The following GRIP1 variants were observed in gnomAD, a reference collection of about 807,000 sequenced individuals.
GRIP1 encodes the protein glutamate receptor interacting protein 1, also known as glutamate receptor-interacting protein 1.
Under a neutral mutation model 129.9 loss-of-function variants are expected in GRIP1, and 45 were observed. The ratio of observed to expected loss-of-function variants is 0.35; its 90% confidence interval spans 0.27 to 0.44. The LOEUF (loss-of-function observed/expected upper bound fraction) is 0.44. Among genes scored for constraint, GRIP1 ranks in the 20% least tolerant of loss-of-function variants. The probability of loss-of-function intolerance (pLI) is 1.00; values close to 1 mark genes in which losing one functional copy is unlikely to be tolerated. For missense variants in GRIP1, 1,196 were observed against 1,396.8 expected (o/e 0.86, Z 2.29); for synonymous variants, 530 against 520.8 (o/e 1.02, Z -0.24).
intron 5 of GRIP1, among the ~76,000 whole-genome samples, chr12:66,525,062 C>T (rs555125846): frequency 6.6e-6 from 1 of 152,260 alleles, no homozygotes; most frequent in East Asian, 1.9e-4. Context: ...AAAAAAAGTC[C>T]AGGAACAGAT....
At chr12:66,449,994 C>T (rs1298932348) in intron 11 of GRIP1, among the ~76,000 whole-genome samples, 1 of 151,918 alleles carries the variant, frequency 6.6e-6, no homozygotes, top group African/African-American at 2.4e-5. Flanking sequence ...CAGCTGTTTA[C>T]CATCTTCACT....
At chr12:66,389,855 C>T (rs989042609) in intron 19 of GRIP1, among the ~76,000 whole-genome samples, 6 of 152,134 alleles carry the variant, frequency 3.9e-5, no homozygotes, top group Non-Finnish European at 7.3e-5. Flanking sequence ...GGGAGGTCCA[C>T]AGGACGATAC....
At chr12:66,542,041 T>A in intron 2 of GRIP1, 91 bp from the exon 3 acceptor site, 5 of 1,208,774 alleles carry the variant, frequency 4.1e-6, no homozygotes, top group Non-Finnish European at 6.1e-6. Context: ...ACTTTTTCTT[T>A]TATGAGAAAA....
chr12:66,843,683 T>C (rs2039761733), intron 1 of GRIP1, among the ~76,000 whole-genome samples: 1 of 152,026 alleles, frequency 6.6e-6, no homozygotes, highest in African/African-American at 2.4e-5. Flanking sequence ...TCAACAAGGG[T>C]GTCAAAACCA....
chr12:66,979,177 C>T (rs901886013), intron 1 of GRIP1, among the ~76,000 whole-genome samples: 20 of 126,998 alleles, frequency 1.6e-4, no homozygotes, highest in African/African-American at 5.3e-4. Flanking sequence ...CATGACCCCA[C>T]TTGAGGATTT....
At chr12:66,603,534 T>C (rs2064375674) in intron 1 of GRIP1, among the ~76,000 whole-genome samples, 1 of 152,222 alleles carries the variant, frequency 6.6e-6, no homozygotes, top group Admixed American at 6.5e-5. Flanking sequence ...GTTATTTGTA[T>C]GCACGTTCAT....
intron 1 of GRIP1, among the ~76,000 whole-genome samples, chr12:66,935,893 G>C (rs1483776406): frequency 1.3e-5 from 2 of 152,152 alleles, no homozygotes; most frequent in East Asian, 3.8e-4. Flanking sequence ...ATACTATTAA[G>C]TTAGGTTTTC....
intron 2 of GRIP1, among the ~76,000 whole-genome samples, chr12:66,545,000 T>G (rs1017470875): frequency 6.6e-6 from 1 of 152,110 alleles, no homozygotes; most frequent in Admixed American, 6.6e-5. Flanking sequence ...ATGATTTCTT[T>G]CTTTTGTGAT....
At chr12:66,945,491 C>G (rs539817163) in intron 1 of GRIP1, among the ~76,000 whole-genome samples, 1 of 151,994 alleles carries the variant, frequency 6.6e-6, no homozygotes, top group African/African-American at 2.4e-5. Flanking sequence ...TCTGGGGAGG[C>G]CTTAGGAAGC....
intron 1 of GRIP1, among the ~76,000 whole-genome samples, chr12:66,649,471 T>C (rs1197588784): frequency 1.3e-5 from 2 of 152,204 alleles, no homozygotes; most frequent in East Asian, 1.9e-4. Context: ...AAACACACAA[T>C]TATTGACTGA....
intron 1 of GRIP1, among the ~76,000 whole-genome samples, chr12:66,995,438 A>G (rs1360595570): frequency 6.6e-6 from 1 of 152,152 alleles, no homozygotes; most frequent in African/African-American, 2.4e-5. Flanking sequence ...AAATTTTGAA[A>G]ACCATATATC....
intron 1 of GRIP1, among the ~76,000 whole-genome samples, chr12:66,728,605 T>C (rs1347763421): frequency 6.6e-6 from 1 of 152,146 alleles, no homozygotes; most frequent in Non-Finnish European, 1.5e-5. Flanking sequence ...TTTTAAACCA[T>C]TATACTCAGA....
intron 7 of GRIP1, among the ~76,000 whole-genome samples, chr12:66,514,513 CAT>C (rs1050544875): frequency 3.3e-5 from 5 of 151,102 alleles, no homozygotes; most frequent in African/African-American, 1.2e-4. Flanking sequence ...TAAAATAAAA[CAT>C]ATAACAAAAA....
chr12:66,949,760 C>CTTTTTTTTTTT (rs781123585), intron 1 of GRIP1, among the ~76,000 whole-genome samples: 3 of 85,426 alleles, frequency 3.5e-5, no homozygotes, highest in African/African-American at 8.8e-5. Context: ...CATGCTCCTC[C>CTTTTTTTTTTT]TTTTTTTTTT....
At chr12:66,496,376 G>A (rs1216810911) in intron 7 of GRIP1, among the ~76,000 whole-genome samples, 1 of 152,040 alleles carries the variant, frequency 6.6e-6, no homozygotes, top group Non-Finnish European at 1.5e-5. Flanking sequence ...ACCACAGCGG[G>A]GCACCTTTCA....
At chr12:66,576,553 T>A (rs2063145169) in intron 2 of GRIP1, among the ~76,000 whole-genome samples, 1 of 152,228 alleles carries the variant, frequency 6.6e-6, no homozygotes, top group Non-Finnish European at 1.5e-5. Context: ...ATTAAGGTGA[T>A]TCTAAACTCA....
At chr12:66,967,690 T>C (rs2042017138) in intron 1 of GRIP1, among the ~76,000 whole-genome samples, 1 of 152,204 alleles carries the variant, frequency 6.6e-6, no homozygotes, top group East Asian at 1.9e-4. Flanking sequence ...TCTTGTGACC[T>C]CTTCAGTCAT....
At chr12:66,476,691 G>T (rs1361146807) in intron 7 of GRIP1, among the ~76,000 whole-genome samples, 26 of 152,154 alleles carry the variant, frequency 1.7e-4, no homozygotes, top group Non-Finnish European at 1.0e-4. Context: ...GATCAAGTGG[G>T]CTTCATCCCT....
At chr12:66,906,445 T>G (rs2040934560) in intron 1 of GRIP1, among the ~76,000 whole-genome samples, 1 of 151,848 alleles carries the variant, frequency 6.6e-6, no homozygotes, top group East Asian at 1.9e-4. Flanking sequence ...AAAAATAAAA[T>G]AAGGTAGAAA....
Sources: allele counts gnomAD v4.1 joint callset (sites outside exome capture counted in the v4.1 genomes callset), GRCh38; gene constraint gnomAD v4.1.1; transcripts MANE v1.5; gene names NCBI Gene and HGNC (gene_info 2026-07-23, HGNC 2026-07-21).